The following ADAM23 variants were observed in gnomAD, a reference collection of about 807,000 sequenced individuals.
ADAM23 encodes the protein ADAM metallopeptidase domain 23.
ADAM23 carries 33 observed loss-of-function variants against 120.1 expected under a neutral mutation model. The ratio of observed to expected loss-of-function variants is 0.27; its 90% CI spans 0.21 to 0.37. ADAM23 has a LOEUF of 0.37. Ranked by LOEUF, ADAM23 falls within the 10% of genes least tolerant of loss-of-function variation. The pLI is 1.00. For synonymous variants in ADAM23, 367 were observed against 375.2 expected (o/e 0.98, Z 0.25); for missense variants, 862 against 1,058.2 (o/e 0.81, Z 2.57).
At chr2:206,487,535 C>T (rs548161384) in intron 3 of ADAM23, among the ~76,000 whole-genome samples, 40 of 152,328 alleles carry the variant, frequency 2.6e-4, no homozygotes, top group African/African-American at 9.4e-4. Flanking sequence ...CAGAGCTGCT[C>T]ACCAGACATC....
At chr2:206,553,118 C>A (rs988027349) in intron 9 of ADAM23, among the ~76,000 whole-genome samples, 1 of 152,094 alleles carries the variant, frequency 6.6e-6, no homozygotes, top group Admixed American at 6.5e-5. Context: ...TGGCTCACGC[C>A]TATAATCGCA....
At chr2:206,545,632 A>C (rs1209594330) in intron 6 of ADAM23, among the ~76,000 whole-genome samples, 4 of 152,226 alleles carry the variant, frequency 2.6e-5, no homozygotes, top group Non-Finnish European at 5.9e-5. Context: ...GTTGATGCAG[A>C]AAAGTTTTAA....
chr2:206,447,746 G>A (rs1187731122), intron 2 of ADAM23, among the ~76,000 whole-genome samples: 1 of 152,142 alleles, frequency 6.6e-6, no homozygotes, highest in East Asian at 1.9e-4. Context: ...TAATATCTGT[G>A]TTATGTACCT....
At chr2:206,502,135 A>T (rs1326904648) in intron 3 of ADAM23, among the ~76,000 whole-genome samples, 1 of 152,140 alleles carries the variant, frequency 6.6e-6, no homozygotes, top group Non-Finnish European at 1.5e-5. Context: ...TCAGTATGCA[A>T]TACCACAATT....
intron 2 of ADAM23, among the ~76,000 whole-genome samples, chr2:206,451,351 C>T (rs1000506671): frequency 2.6e-5 from 4 of 152,222 alleles, no homozygotes; most frequent in Admixed American, 2.6e-4. Flanking sequence ...GCAGTTCTCC[C>T]ACTTCAGCCT....
intron 3 of ADAM23, among the ~76,000 whole-genome samples, chr2:206,509,073 G>A (rs1488966357): frequency 6.6e-6 from 1 of 152,152 alleles, no homozygotes; most frequent in Non-Finnish European, 1.5e-5. Flanking sequence ...AGCAATAGAT[G>A]TTTATATTAG....
Position 206,588,141 on chromosome 2 carries a change from C to T in ADAM23, c.1839C>T (p.Tyr613=). 6 of 1,614,068 alleles carry T rather than the reference C, an allele frequency of 3.7e-6. No individual in the cohort carries two copies. The highest frequency in any genetic ancestry group is 5.1e-6 in the Non-Finnish European group (6 of 1,179,942). The change falls in exon 20 of 26, where the codon TAC becomes TAT. Residue 613 remains tyrosine, a synonymous_variant. Transcript: ENST00000264377. ...ECKTRDNQCQ[Y]IWGTKAAGSD... is the part of the protein sequence containing the mutation. ...AGACCAGAGACAACCAGTGTCAGTA[C>T]ATCTGGGGAACAAGTAGGTCGCACC...
chr2:206,565,031 A>G lies in ADAM23; in HGVS notation c.1357A>G (p.Thr453Ala). The G allele has an allele frequency of 6.2e-7, 1 of 1,614,016 alleles. No individual in the cohort carries two copies. Among genetic ancestry groups the G allele is most frequent in the Non-Finnish European group, 8.5e-7 (1 of 1,179,960 alleles). Residue 453 changes from threonine to alanine, a missense_variant, in exon 14 of 26, where the codon ACA (threonine) becomes GCA (alanine). This residue lies in a region of ADAM23 where 617 missense variants were observed against 813.5 expected (regional missense o/e 0.76). Coordinates refer to ENST00000264377, the MANE Select transcript of ADAM23 (RefSeq NM_003812.4). ...PSSRKPKCDC[T>A]ESWGGCIMEE... ...TTTTATTGGACCAGAATGTGACTGC[A>G]CAGAATCCTGGGGTGGCTGCATCAT...
intron 24 of ADAM23, among the ~76,000 whole-genome samples, chr2:206,603,266 A>G (rs1382348088): frequency 6.6e-6 from 1 of 152,238 alleles, no homozygotes; most frequent in Non-Finnish European, 1.5e-5. Flanking sequence ...TATGTCCCCT[A>G]TAAAAATCCA....
At chr2:206,603,693 C>T (rs934745704) in intron 24 of ADAM23, among the ~76,000 whole-genome samples, 1 of 152,128 alleles carries the variant, frequency 6.6e-6, no homozygotes, top group South Asian at 2.1e-4. Context: ...TCTCGTCCTC[C>T]GGTTGTATTT....
At chr2:206,477,913 TATATATATAA>T (rs1481935274) in intron 2 of ADAM23, among the ~76,000 whole-genome samples, 24 of 141,926 alleles carry the variant, frequency 1.7e-4, no homozygotes, top group Non-Finnish European at 2.7e-4. Flanking sequence ...TATATATATA[TATATATATAA>T]AACAACAATG....
chr2:206,474,011 C>CAA (rs761985007), intron 2 of ADAM23, among the ~76,000 whole-genome samples: 8 of 57,826 alleles, frequency 1.4e-4, no homozygotes, highest in African/African-American at 3.2e-4. Context: ...GACCCTGTCT[C>CAA]AAAAAAAAAA....
chr2:206,563,047 A>C (rs1332755239), intron 13 of ADAM23, among the ~76,000 whole-genome samples: 1 of 152,228 alleles, frequency 6.6e-6, no homozygotes, highest in Non-Finnish European at 1.5e-5. Flanking sequence ...TCAGAATAAA[A>C]GTCAACCCAG....
Position 206,619,588 on chromosome 2 carries a change from T to C in ADAM23, c.*1961T>C, listed in dbSNP as rs184996468. ...TCATGACACCAAATCCATTGCTAGGTTTAGCTCCTGGTCCCTTTTCAGCAA... is the reference window on the plus strand; with the variant it reads ...TCATGACACCAAATCCATTGCTAGGCTTAGCTCCTGGTCCCTTTTCAGCAA... On this transcript the variant is annotated 3_prime_UTR_variant, in exon 26 of 26. Coordinates refer to ENST00000264377, the MANE Select transcript of ADAM23 (RefSeq NM_003812.4). 1 of 151,928 alleles carries C rather than the reference T, an allele frequency of 6.6e-6. No individual in the cohort carries two copies. Among genetic ancestry groups the C allele is most frequent in the Non-Finnish European group, 1.5e-5 (1 of 67,978 alleles). The allele number at this position is 151,928 out of a possible 1,614,324, so 9.4% of individuals were successfully genotyped here. A position where few individuals can be genotyped will look rare whatever the true frequency, so the allele number is the denominator to read the frequency against.
intron 2 of ADAM23, among the ~76,000 whole-genome samples, chr2:206,476,521 A>G (rs1695778867): frequency 6.6e-6 from 1 of 152,110 alleles, no homozygotes; most frequent in Admixed American, 6.5e-5. Flanking sequence ...CATGACCCCT[A>G]TTGTGAACTG....
rs918234602 is a variant in ADAM23 at position 206,562,125 on chromosome 2, G to A, written c.1255-78G>A. On this transcript the variant is annotated intron_variant, in intron 12 of 25. Transcript: ENST00000264377. ...TACTTAGGGAACTGAGAAGATTTGTGGTAACAATTAAGAAATAATAACTAG... is the reference window on the plus strand; with the variant it reads ...TACTTAGGGAACTGAGAAGATTTGTAGTAACAATTAAGAAATAATAACTAG... 8.2e-6 allele frequency: 10 copies of A among 1,225,236 alleles called. No homozygotes were observed. In the African/African-American group the frequency reaches 1.5e-4, roughly 18 times the overall value. 75.9% of individuals were successfully genotyped at this position (1,225,236 alleles called of 1,614,324 possible).
intron 7 of ADAM23, among the ~76,000 whole-genome samples, 160 bp downstream of exon 7, chr2:206,547,661 G>T (rs546555311): frequency 1.3e-5 from 2 of 152,224 alleles, no homozygotes; most frequent in Non-Finnish European, 2.9e-5. Context: ...CTTGTGTAAA[G>T]AGGCATGGAG....
intron 2 of ADAM23, among the ~76,000 whole-genome samples, chr2:206,463,134 A>G (rs1020936315): frequency 3.3e-5 from 5 of 152,214 alleles, no homozygotes; most frequent in Non-Finnish European, 7.3e-5. Context: ...AAAGATGTCC[A>G]CATCCTAATC....
intron 2 of ADAM23, among the ~76,000 whole-genome samples, chr2:206,460,473 A>G (rs1695393643): frequency 1.3e-5 from 2 of 152,144 alleles, no homozygotes; most frequent in South Asian, 2.1e-4. Flanking sequence ...CATTTCCCTA[A>G]TGATTAGTGA....
Sources: gnomAD v4.1 joint callset for allele counts (sites outside exome capture counted in the v4.1 genomes callset) on GRCh38, gnomAD v4.1.1 for gene constraint, gnomAD v4.1.1 regional missense constraint, MANE v1.5 for transcripts, NCBI Gene and HGNC (gene_info 2026-07-23, HGNC 2026-07-21) for gene names.